The following TUSC3 variants were observed in gnomAD, a reference collection of about 807,000 sequenced individuals.
TUSC3 encodes the protein tumor suppressor candidate 3.
TUSC3 carries 45 observed loss-of-function variants against 44.8 expected under a neutral mutation model. The observed-to-expected ratio is 1.00, with a 90% CI of 0.79 to 1.29. The LOEUF is 1.29. Ranked by LOEUF, TUSC3 falls within the 50% of genes most tolerant of loss-of-function variation. TUSC3 has a pLI of 0.00. For synonymous variants in TUSC3, 212 were observed against 152.9 expected (o/e 1.39, Z -2.85); for missense variants, 519 against 437.9 (o/e 1.19, Z -1.65).
intron 2 of TUSC3, among the ~76,000 whole-genome samples, chr8:15,623,572 A>G (rs1033558479): frequency 3.3e-5 from 5 of 151,828 alleles, no homozygotes; most frequent in African/African-American, 9.7e-5. Context: ...AATATAATCA[A>G]TTTTTAATTT....
rs192782263 is a variant in TUSC3 at position 15,523,028 on chromosome 8, A to G, written n.189+39545A>G. Among the ~76,000 whole-genome samples the G allele has an allele frequency of 6.6e-5, 10 of 152,286 alleles. No homozygotes were observed. The East Asian group carries it at 1.9e-3, about 29-fold the overall frequency. The stretch of plus-strand genomic sequence containing the variant: ...ACTGATGCTCAATCCTGTAAGACTG[A>G]GAACTATACCAGCTCCAGCACCTTT... On this transcript the variant is annotated intron_variant and non_coding_transcript_variant, in intron 2 of 5. Coordinates refer to the TUSC3 transcript ENST00000503191.
intron 1 of TUSC3, among the ~76,000 whole-genome samples, chr8:15,440,832 T>C (rs1233340457): frequency 6.6e-6 from 1 of 152,190 alleles, no homozygotes; most frequent in East Asian, 1.9e-4. Context: ...TGTTAATACA[T>C]ACCAGCTTTA....
chr8:15,558,791 C>T lies in TUSC3; in HGVS notation c.138+18223C>T, dbSNP rs561097492. On this transcript the variant is annotated intron_variant, in intron 1 of 10. Transcript: ENST00000503731. ...TCTTCTAGATTTTCTAGTTTATTTG[C>T]ATAGAGGTGTTTGTAGTATTCTCTG... Among the ~76,000 whole-genome samples the T allele has an allele frequency of 2.8e-3, 390 of 136,934 alleles. 7 individuals carry two copies. The East Asian group carries it at 0.032, about 11-fold the overall frequency. 89.8% of individuals were successfully genotyped at this position (136,934 alleles called of 152,430 possible).
At chr8:15,767,798 A>G (rs181035823), downstream of TUSC3, among the ~76,000 whole-genome samples, 36 of 152,312 alleles carry the variant, frequency 2.4e-4, no homozygotes, top group Non-Finnish European at 4.4e-4. Flanking sequence ...GAAAGCATTG[A>G]AAGTAAATGA....
chr8:15,591,023 C>T (rs1200059838), intron 1 of TUSC3, among the ~76,000 whole-genome samples: 3 of 152,084 alleles, frequency 2.0e-5, no homozygotes, highest in African/African-American at 7.2e-5. Flanking sequence ...GAAATCTTTG[C>T]CATGCTGAGT....
chr8:15,677,918 G>A (rs577924319), intron 6 of TUSC3, among the ~76,000 whole-genome samples: 79 of 152,290 alleles, frequency 5.2e-4, no homozygotes, highest in African/African-American at 1.8e-3. Flanking sequence ...GAAAACACAC[G>A]TGTCTTATTT....
rs1166293541 is a variant in TUSC3, at chr8:15,523,658, ATATATATGTGTG to A, written n.189+40177_189+40188del. ...TAAAAACATATATATATATATATAT[ATATATATGTGTG>A]TGTGTGTGTGTGTGTGTGTGTGTGT... is the stretch of plus-strand genomic sequence containing the variant. On this transcript the variant is annotated intron_variant and non_coding_transcript_variant, in intron 2 of 5. Transcript: ENST00000503191. 1.4e-3 allele frequency among the ~76,000 whole-genome samples: 29 copies of A among 21,324 alleles called. 1 individual carries two copies. The highest frequency in any genetic ancestry group is 2.6e-3 in the African/African-American group (26 of 10,116). 14.0% of individuals were successfully genotyped at this position (21,324 alleles called of 152,430 possible).
chr8:15,475,072 C>T (rs1020429789), intron 1 of TUSC3, among the ~76,000 whole-genome samples: 1 of 152,078 alleles, frequency 6.6e-6, no homozygotes, highest in African/African-American at 2.4e-5. Flanking sequence ...ATAGGCGCCC[C>T]CTTTATACAC....
intron 5 of TUSC3, among the ~76,000 whole-genome samples, chr8:15,671,031 A>G (rs908662419): frequency 2.0e-5 from 3 of 151,950 alleles, no homozygotes; most frequent in African/African-American, 7.2e-5. Flanking sequence ...CTCACAGCTA[A>G]TACCAATAAT....
At chr8:15,582,408 T>G (rs1803405167) in intron 1 of TUSC3, among the ~76,000 whole-genome samples, 1 of 152,234 alleles carries the variant, frequency 6.6e-6, no homozygotes, top group Non-Finnish European at 1.5e-5. Flanking sequence ...TGTTTTTTAC[T>G]GTTATTGGAA....
At chr8:15,586,893 C>A (rs1291959878) in intron 1 of TUSC3, among the ~76,000 whole-genome samples, 1 of 152,210 alleles carries the variant, frequency 6.6e-6, no homozygotes, top group East Asian at 1.9e-4. Context: ...AATTCTTGGG[C>A]CCCACTGACC....
chr8:15,453,619 T>A (rs1800220467), intron 1 of TUSC3, among the ~76,000 whole-genome samples: 1 of 147,338 alleles, frequency 6.8e-6, no homozygotes, highest in South Asian at 2.1e-4. Context: ...ATGAATTTGC[T>A]GACTAGCCAA....
At chr8:15,835,157 T>C in the TUSC3 span, among the ~76,000 whole-genome samples, 3 of 152,352 alleles carry the variant, frequency 2.0e-5, no homozygotes, top group East Asian at 3.9e-4. Context: ...TTTAGACTTA[T>C]CCTTTTTGAA....
the TUSC3 span, among the ~76,000 whole-genome samples, chr8:15,827,208 T>A: frequency 1.3e-5 from 2 of 152,150 alleles, no homozygotes; most frequent in Non-Finnish European, 2.9e-5. Flanking sequence ...GCATAAGCAT[T>A]TGTAAAAAGG....
chr8:15,433,664 C>T (rs1311199309), intron 1 of TUSC3, among the ~76,000 whole-genome samples: 6 of 152,124 alleles, frequency 3.9e-5, no homozygotes, highest in Admixed American at 2.6e-4. Context: ...ATTAATTTGT[C>T]ACTTGCAGAA....
intron 1 of TUSC3, among the ~76,000 whole-genome samples, chr8:15,555,599 T>G (rs1290459356): frequency 6.6e-6 from 1 of 151,592 alleles, no homozygotes; most frequent in Non-Finnish European, 1.5e-5. Flanking sequence ...TGAGAAATTG[T>G]TAGGCAGTTA....
chr8:15,558,954 C>G (rs1265735013), intron 1 of TUSC3, among the ~76,000 whole-genome samples: 1 of 150,780 alleles, frequency 6.6e-6, no homozygotes, highest in Non-Finnish European at 1.5e-5. Flanking sequence ...AAAAAACCAG[C>G]TCCTGGATTC....
chr8:15,819,108 G>C, the TUSC3 span, among the ~76,000 whole-genome samples: 1 of 152,020 alleles, frequency 6.6e-6, no homozygotes, highest in Non-Finnish European at 1.5e-5. Context: ...CAGCATTCTT[G>C]ATTCTAGTGC....
rs61091774 is a variant in TUSC3 at position 15,723,263 on chromosome 8, C to T, written c.799-7403C>T. On this transcript the variant is annotated intron_variant, in intron 6 of 10. Transcript: ENST00000503731. ...TAAGTTCAGCAGAGACATTGCTAAACGATGTCCTGCAACTTCCAGTGAAAA... is the reference window on the plus strand; with the variant it reads ...TAAGTTCAGCAGAGACATTGCTAAATGATGTCCTGCAACTTCCAGTGAAAA... Among the ~76,000 whole-genome samples the T allele has an allele frequency of 9.0e-3, 1,372 of 152,234 alleles. 20 individuals are homozygous for T. The highest frequency in any genetic ancestry group is 0.032 in the African/African-American group (1,319 of 41,546).
Sources: gnomAD v4.1 joint callset for allele counts (sites outside exome capture counted in the v4.1 genomes callset) on GRCh38, gnomAD v4.1.1 for gene constraint, MANE v1.5 for transcripts, NCBI Gene and HGNC (gene_info 2026-07-23, HGNC 2026-07-21) for gene names.